CDH20: variants seen among roughly 807,000 people sequenced by gnomAD.
CDH20 encodes cadherin 20.
CDH20 carries 29 observed loss-of-function variants against 74.2 expected under a neutral mutation model. The ratio of observed to expected loss-of-function variants is 0.39; its 90% CI spans 0.29 to 0.53. The LOEUF (loss-of-function observed/expected upper bound fraction) is 0.53. CDH20 is among the 20% of genes least tolerant of loss of function. The probability of loss-of-function intolerance (pLI) is 0.69; values close to 1 mark genes in which losing one functional copy is unlikely to be tolerated. For missense variants in CDH20, 988 were observed against 1,048.3 expected, an observed-to-expected ratio of 0.94 and a Z score of 0.79; for synonymous variants, 469 against 405.4, an observed-to-expected ratio of 1.16 and a Z score of -1.88.
intron 1 of CDH20, among the ~76,000 whole-genome samples, chr18:61,396,529 A>G (rs1911983744): frequency 6.6e-6 from 1 of 152,046 alleles, no homozygotes; most frequent in Non-Finnish European, 1.5e-5. Flanking sequence ...CTAGGAATGG[A>G]GCTCCTTTCT....
At chr18:61,512,293 A>T (rs1379427230) in intron 6 of CDH20, among the ~76,000 whole-genome samples, 1 of 152,202 alleles carries the variant, frequency 6.6e-6, no homozygotes, top group Non-Finnish European at 1.5e-5. Flanking sequence ...TATTCTGAAT[A>T]AGCATGATGT....
intron 1 of CDH20, among the ~76,000 whole-genome samples, chr18:61,385,834 G>A (rs2144190713): frequency 6.6e-6 from 1 of 151,818 alleles, no homozygotes; most frequent in South Asian, 2.1e-4. Context: ...GGAGGCTGAG[G>A]CAGGAGAATC....
intron 8 of CDH20, 46 bp from the exon 9 acceptor site, chr18:61,538,978 G>A: frequency 6.4e-7 from 1 of 1,570,758 alleles, no homozygotes; most frequent in East Asian, 2.3e-5. Context: ...TTTTTCTTTT[G>A]GCATTACTAA....
Position 61,333,622 on chromosome 18 carries a change from C to G in CDH20, c.-358C>G, listed in dbSNP as rs1247778076. The G allele has an allele frequency of 7.3e-6, 1 of 137,748 alleles. No individual in the cohort carries two copies. Among genetic ancestry groups the G allele is most frequent in the Non-Finnish European group, 1.5e-5 (1 of 66,810 alleles). The allele number at this position is 137,748 out of a possible 1,614,324, so 8.5% of individuals were successfully genotyped here. ...CCAACTCCTGGCAACCGCACGGAGA[C>G]TTTGCGAAACATCCGAAGGCAGAAA... On this transcript the variant is annotated 5_prime_UTR_variant, in exon 1 of 12. Coordinates refer to ENST00000262717, the MANE Select transcript of CDH20 (RefSeq NM_031891.4).
intron 6 of CDH20, among the ~76,000 whole-genome samples, chr18:61,522,073 A>G (rs1271727690): frequency 6.6e-6 from 1 of 152,208 alleles, no homozygotes; most frequent in Non-Finnish European, 1.5e-5. Context: ...GGCCAGGGCA[A>G]TTGGGCAAGA....
At chr18:61,388,340 A>T (rs1229496744) in intron 1 of CDH20, among the ~76,000 whole-genome samples, 2 of 152,150 alleles carry the variant, frequency 1.3e-5, no homozygotes, top group Non-Finnish European at 2.9e-5. Context: ...TGATGTGGCA[A>T]CCCCAATTGT....
intron 1 of CDH20, chr18:61,391,812 T>A (rs1002681022): frequency 6.6e-6 from 1 of 151,738 alleles, no homozygotes; most frequent in African/African-American, 2.4e-5. Flanking sequence ...GGCAAAAATT[T>A]TAAAAAAAAT....
intron 7 of CDH20, among the ~76,000 whole-genome samples, chr18:61,529,880 G>A (rs1277256303): frequency 3.3e-5 from 5 of 152,192 alleles, no homozygotes; most frequent in African/African-American, 9.7e-5. Context: ...CAGTTGGCCA[G>A]CACATCCGTT....
chr18:61,403,904 A>C (rs1165720338), intron 1 of CDH20, among the ~76,000 whole-genome samples: 1 of 152,210 alleles, frequency 6.6e-6, no homozygotes, highest in African/African-American at 2.4e-5. Flanking sequence ...TGCAGCCATA[A>C]AAAGGGATGA....
intron 1 of CDH20, among the ~76,000 whole-genome samples, chr18:61,441,299 G>T (rs562153934): frequency 6.6e-6 from 1 of 152,170 alleles, no homozygotes; most frequent in East Asian, 1.9e-4. Context: ...CTCAGTGGTG[G>T]TATTCTAATT....
intron 6 of CDH20, among the ~76,000 whole-genome samples, chr18:61,510,528 G>A (rs568049034): frequency 9.2e-5 from 14 of 152,326 alleles, no homozygotes; most frequent in African/African-American, 3.1e-4. Context: ...TATGCTATTT[G>A]ATAGAACTGA....
At chr18:61,450,298 C>T (rs1270669114) in intron 1 of CDH20, among the ~76,000 whole-genome samples, 1 of 150,668 alleles carries the variant, frequency 6.6e-6, no homozygotes, top group Non-Finnish European at 1.5e-5. Flanking sequence ...ACCTCCCTCT[C>T]AGATAAGGAA....
intron 1 of CDH20, among the ~76,000 whole-genome samples, chr18:61,477,253 A>C (rs752315688): frequency 1.2e-4 from 18 of 152,184 alleles, no homozygotes; most frequent in Non-Finnish European, 2.2e-4. Context: ...ACTAAGGAGA[A>C]GACAATGTTG....
At chr18:61,533,846 C>T (rs1396199757) in intron 7 of CDH20, among the ~76,000 whole-genome samples, 2 of 152,138 alleles carry the variant, frequency 1.3e-5, no homozygotes, top group African/African-American at 4.8e-5. Context: ...ATGTGGGTAT[C>T]TAGTTTTCTC....
intron 1 of CDH20, among the ~76,000 whole-genome samples, chr18:61,336,525 T>G (rs1909765598): frequency 6.6e-6 from 1 of 152,214 alleles, no homozygotes; most frequent in Non-Finnish European, 1.5e-5. Context: ...AGAGAGCCAC[T>G]GAAAAGTGGA....
chr18:61,385,658 C>T lies in CDH20; in HGVS notation c.-153+51831C>T, dbSNP rs566845655. The stretch of plus-strand genomic sequence containing the variant: ...AAGATATTAACAGTTTACAGCTGGG[C>T]GCAGTGGCTCATGCCTGTAATCCTA... On this transcript the variant is annotated intron_variant, in intron 1 of 11. Coordinates refer to ENST00000262717, the MANE Select transcript of CDH20 (RefSeq NM_031891.4). Among the ~76,000 whole-genome samples, 8 of 152,098 alleles carry T rather than the reference C, an allele frequency of 5.3e-5. No individual in the cohort carries two copies. In the East Asian group the frequency reaches 7.7e-4, roughly 15 times the overall value.
intron 1 of CDH20, among the ~76,000 whole-genome samples, chr18:61,352,015 A>T (rs1363118040): frequency 6.6e-6 from 1 of 152,208 alleles, no homozygotes; most frequent in Non-Finnish European, 1.5e-5. Context: ...GCTTATTAAG[A>T]TGTTTTTGAT....
intron 1 of CDH20, among the ~76,000 whole-genome samples, chr18:61,385,329 G>C (rs990065420): frequency 3.2e-4 from 49 of 151,970 alleles, no homozygotes; most frequent in African/African-American, 1.2e-3. Context: ...TTTAAACATA[G>C]AAAAGAAACA....
chr18:61,503,642 C>T (rs754046179), intron 5 of CDH20, among the ~76,000 whole-genome samples: 1 of 152,172 alleles, frequency 6.6e-6, no homozygotes, highest in Non-Finnish European at 1.5e-5. Flanking sequence ...TTGGTGAGAC[C>T]CCTGGACATG....
Sources: allele counts gnomAD v4.1 joint callset (sites outside exome capture counted in the v4.1 genomes callset), GRCh38; gene constraint gnomAD v4.1.1; transcripts MANE v1.5; gene names NCBI Gene and HGNC (gene_info 2026-07-23, HGNC 2026-07-21).